Variants in SDK1 observed in about 807,000 individuals in gnomAD.
The protein encoded by SDK1 is sidekick cell adhesion molecule 1.
SDK1 carries 157 observed loss-of-function variants against 245.5 expected under a neutral mutation model. That is an observed-to-expected ratio of 0.64 (90% CI 0.56 to 0.73). The LOEUF (loss-of-function observed/expected upper bound fraction) is 0.73, where lower values mean the gene tolerates loss of function less well. SDK1 is among the 30% of genes least tolerant of loss of function. SDK1 has a pLI of 0.00. For synonymous variants in SDK1, 1,647 were observed against 1,278.5 expected (o/e 1.29, Z -6.15); for missense variants, 3,583 against 3,002.3 (o/e 1.19, Z -4.52).
intron 4 of SDK1, among the ~76,000 whole-genome samples, chr7:3,778,680 A>G (rs994812025): frequency 2.6e-4 from 39 of 152,250 alleles, no homozygotes; most frequent in African/African-American, 8.7e-4. Flanking sequence ...CATGTTCCGT[A>G]AACTAAAATA....
At chr7:3,805,497 A>G (rs1047724115) in intron 4 of SDK1, among the ~76,000 whole-genome samples, 7 of 152,154 alleles carry the variant, frequency 4.6e-5, no homozygotes, top group Admixed American at 2.0e-4. Flanking sequence ...TTCCTCTTGT[A>G]CTTTTTCTGC....
chr7:3,301,678 C>A lies in SDK1; in HGVS notation c.92C>A (p.Ser31Tyr), dbSNP rs1779263157. The A allele has an allele frequency of 2.1e-6, 2 of 974,152 alleles. No individual in the cohort carries two copies. The highest frequency in any genetic ancestry group is 1.8e-5 in the African/African-American group (1 of 56,044). The allele number at this position is 974,152 out of a possible 1,614,324, so 60.3% of individuals were successfully genotyped here. A position where few individuals can be genotyped will look rare whatever the true frequency, so the allele number is the denominator to read the frequency against. The change falls in exon 1 of 45, where the codon TCC becomes TAC. Residue 31 changes from serine to tyrosine, a missense_variant. Transcript: ENST00000404826. ...GCGGGCCCCGGGCGGCCGCGGGGATCCCCGCCCGGCCGCGCCCGCCCCTCG... is the reference window on the plus strand; with the variant it reads ...GCGGGCCCCGGGCGGCCGCGGGGATACCCGCCCGGCCGCGCCCGCCCCTCG... The part of the protein sequence containing the change: ...ERAGPGRPRG[S>Y]PPGRARPSLA...
intron 4 of SDK1, among the ~76,000 whole-genome samples, chr7:3,660,829 G>A (rs936216878): frequency 6.6e-6 from 1 of 152,168 alleles, no homozygotes; most frequent in African/African-American, 2.4e-5. Context: ...ATCTTTGAGA[G>A]CATGAATCTT....
chr7:3,580,341 C>G (rs941070380), intron 1 of SDK1, among the ~76,000 whole-genome samples: 2 of 152,112 alleles, frequency 1.3e-5, no homozygotes, highest in Non-Finnish European at 2.9e-5. Flanking sequence ...CCAAGGCAAT[C>G]CTAAACAAAA....
At position 3,361,513 on chromosome 7, in the gene SDK1, A is replaced by G. The variant is rs561975201; in HGVS notation, c.298+59629A>G. ...CTACTCTCTCACCTTCGTTTCCCAC[A>G]TCTTCTCTATTTGTTCTCCGCCCTG... On this transcript the variant is annotated intron_variant, in intron 1 of 44. Coordinates refer to ENST00000404826, the MANE Select transcript of SDK1 (RefSeq NM_152744.4). Among the ~76,000 whole-genome samples, 5 of 152,124 alleles carry G rather than the reference A, an allele frequency of 3.3e-5. No individual in the cohort carries two copies. The East Asian group carries it at 7.7e-4, about 24-fold the overall frequency.
intron 20 of SDK1, among the ~76,000 whole-genome samples, chr7:4,076,455 C>G (rs987658423): frequency 2.6e-5 from 4 of 152,128 alleles, no homozygotes; most frequent in African/African-American, 9.7e-5. Context: ...ACTCAGGACG[C>G]TGAGGTGGGA....
chr7:3,481,643 T>C lies in SDK1; in HGVS notation c.299-137437T>C, dbSNP rs1781526307. On this transcript the variant is annotated intron_variant, in intron 1 of 44. Coordinates refer to ENST00000404826, the MANE Select transcript of SDK1 (RefSeq NM_152744.4). Reference sequence around the variant, plus strand: ...CCTGTGTACAGGGTTACCTCAGGGCTCACTGTGTCCCTTGGGAAAGGTCAC... The same window carrying C: ...CCTGTGTACAGGGTTACCTCAGGGCCCACTGTGTCCCTTGGGAAAGGTCAC... 2.0e-5 allele frequency among the ~76,000 whole-genome samples: 3 copies of C among 152,340 alleles called. No individual in the cohort carries two copies. In the Middle Eastern group the frequency reaches 0.01, roughly 518 times the overall value.
chr7:4,129,600 T>C, intron 26 of SDK1: 1 of 1,122,800 alleles, frequency 8.9e-7, no homozygotes. Flanking sequence ...ATCGAGTCTT[T>C]GTTTTAGTGG....
chr7:3,356,190 A>G (rs920501841), intron 1 of SDK1, among the ~76,000 whole-genome samples: 8 of 152,108 alleles, frequency 5.3e-5, no homozygotes, highest in Non-Finnish European at 7.3e-5. Context: ...GTAGTTTTGG[A>G]AAATTGAGAC....
chr7:3,790,926 A>T (rs965849158), intron 4 of SDK1, among the ~76,000 whole-genome samples: 1 of 152,056 alleles, frequency 6.6e-6, no homozygotes, highest in Non-Finnish European at 1.5e-5. Flanking sequence ...AATTAACTTG[A>T]CAGTAATCAA....
chr7:4,235,543 A>T (rs1562465933), intron 41 of SDK1, among the ~76,000 whole-genome samples: 1 of 152,218 alleles, frequency 6.6e-6, no homozygotes, highest in Admixed American at 6.5e-5. Context: ...TGAATATTTT[A>T]AATGTACCCC....
intron 1 of SDK1, among the ~76,000 whole-genome samples, chr7:3,454,317 G>A (rs947488697): frequency 1.9e-4 from 29 of 150,858 alleles, no homozygotes; most frequent in Admixed American, 1.1e-3. Context: ...TTAATGTTAC[G>A]TTTTTTCAGT....
Position 4,145,751 on chromosome 7 carries a change from A to G in SDK1, c.4258A>G (p.Ser1420Gly). 1 of 1,611,270 alleles carries G rather than the reference A, an allele frequency of 6.2e-7. No homozygotes were observed. Among genetic ancestry groups the G allele is most frequent in the African/African-American group, 1.3e-5 (1 of 74,906 alleles). ...GYQIAYRLAS[S>G]SPHTFTTVEV... ...CCAGATTGCCTACCGCCTGGCCAGCAGCAGCCCCCACACCTTCACCACCGT... is the reference window on the plus strand; with the variant it reads ...CCAGATTGCCTACCGCCTGGCCAGCGGCAGCCCCCACACCTTCACCACCGT... The change falls in exon 29 of 45, where the codon AGC becomes GGC. Residue 1420 changes from serine (S) to glycine (G), a missense_variant. Coordinates refer to ENST00000404826, the MANE Select transcript of SDK1 (RefSeq NM_152744.4).
intron 5 of SDK1, among the ~76,000 whole-genome samples, chr7:3,902,879 A>G (rs1781836689): frequency 6.6e-6 from 1 of 152,194 alleles, no homozygotes; most frequent in Non-Finnish European, 1.5e-5. Flanking sequence ...CAAACCATAT[A>G]TCTGGTAAAG....
At chr7:3,970,916 C>A (rs748536827) in intron 11 of SDK1, among the ~76,000 whole-genome samples, 9 of 152,182 alleles carry the variant, frequency 5.9e-5, no homozygotes, top group Non-Finnish European at 1.3e-4. Flanking sequence ...GCTACAGTGA[C>A]CCATCGCACA....
rs60437983 is a variant in SDK1, at chr7:3,454,388, TTGTGTGTG to T, written c.298+152533_298+152540del. On this transcript the variant is annotated intron_variant, in intron 1 of 44. Coordinates refer to ENST00000404826, the MANE Select transcript of SDK1 (RefSeq NM_152744.4). Reference sequence around the variant, plus strand: ...TCGATTTTTTCGTGTTCCCCAAGATTTGTGTGTGTGTGTGTGTGTGTGTGTGTGTGTGT... The same window carrying T: ...TCGATTTTTTCGTGTTCCCCAAGATTTGTGTGTGTGTGTGTGTGTGTGTGT... 4.6e-3 allele frequency among the ~76,000 whole-genome samples: 656 copies of T among 141,792 alleles called. 2 individuals are homozygous for T. The highest frequency in any genetic ancestry group is 0.018 in the Middle Eastern group (5 of 276). 93.0% of individuals were successfully genotyped at this position (141,792 alleles called of 152,430 possible).
At chr7:3,343,972 G>A (rs955701479) in intron 1 of SDK1, among the ~76,000 whole-genome samples, 1 of 149,108 alleles carries the variant, frequency 6.7e-6, no homozygotes, top group African/African-American at 2.5e-5. Flanking sequence ...AGGATAAACT[G>A]TGAAGGTGTA....
chr7:3,861,504 G>T (rs79993454), intron 5 of SDK1, among the ~76,000 whole-genome samples: 2,256 of 152,134 alleles, frequency 0.015, 64 homozygotes, highest in African/African-American at 0.052. Context: ...CCTGCTGCTT[G>T]GGTGCCACCA....
intron 1 of SDK1, among the ~76,000 whole-genome samples, chr7:3,541,965 T>C (rs571665039): frequency 6.6e-6 from 1 of 152,350 alleles, no homozygotes; most frequent in South Asian, 2.1e-4. Context: ...ATTATAAAAC[T>C]TGTGGGTGCA....
Sources: gnomAD v4.1 joint callset for allele counts (sites outside exome capture counted in the v4.1 genomes callset) on GRCh38, gnomAD v4.1.1 for gene constraint, MANE v1.5 for transcripts, NCBI Gene and HGNC (gene_info 2026-07-23, HGNC 2026-07-21) for gene names.